CDH13: variants seen among roughly 807,000 people sequenced by gnomAD.
CDH13 encodes cadherin-13.
In CDH13, 24 loss-of-function variants were observed where a neutral mutation model predicts 63.8. That is an observed-to-expected ratio of 0.38 (90% CI 0.27 to 0.53). The LOEUF is 0.53. Among genes scored for constraint, CDH13 ranks in the 20% least tolerant of loss-of-function variants. The probability of loss-of-function intolerance (pLI) is 0.85; values close to 1 mark genes in which losing one functional copy is unlikely to be tolerated. For synonymous variants in CDH13, 503 were observed against 355.3 expected (o/e 1.42, Z -4.67); for missense variants, 1,049 against 903.1 (o/e 1.16, Z -2.07).
chr16:83,683,977 G>A (rs760733482), intron 10 of CDH13, among the ~76,000 whole-genome samples: 18 of 152,178 alleles, frequency 1.2e-4, no homozygotes, highest in African/African-American at 1.7e-4. Flanking sequence ...CACTTTCAGC[G>A]TAGCAACCGT....
At chr16:83,525,375 A>G (rs764960190) in intron 7 of CDH13, among the ~76,000 whole-genome samples, 19 of 152,262 alleles carry the variant, frequency 1.2e-4, no homozygotes, top group Non-Finnish European at 1.8e-4. Context: ...GAGAAGTTCT[A>G]TAACTTGCCT....
chr16:83,394,038 AT>A (rs1219814487), intron 6 of CDH13, among the ~76,000 whole-genome samples: 1 of 152,206 alleles, frequency 6.6e-6, no homozygotes, highest in Non-Finnish European at 1.5e-5. Flanking sequence ...TGGGAGCTAA[AT>A]GATGAGAACA....
At chr16:83,730,323 A>T in intron 10 of CDH13, among the ~76,000 whole-genome samples, 1 of 152,296 alleles carries the variant, frequency 6.6e-6, no homozygotes, top group Middle Eastern at 3.4e-3. Context: ...ACCTCATTTG[A>T]TGTTATTAAC....
intron 6 of CDH13, among the ~76,000 whole-genome samples, chr16:83,389,600 C>G (rs1352095581): frequency 6.6e-6 from 1 of 152,178 alleles, no homozygotes; most frequent in East Asian, 1.9e-4. Context: ...ACCATTTATT[C>G]TGCAGATAGT....
intron 5 of CDH13, among the ~76,000 whole-genome samples, chr16:83,270,194 G>T (rs954193319): frequency 1.3e-5 from 2 of 152,080 alleles, no homozygotes; most frequent in African/African-American, 4.8e-5. Flanking sequence ...CCCAAAAAGG[G>T]GGCAGCTTGT....
intron 1 of CDH13, among the ~76,000 whole-genome samples, chr16:82,762,845 G>T (rs2034905589): frequency 6.6e-6 from 1 of 152,192 alleles, no homozygotes; most frequent in African/African-American, 2.4e-5. Context: ...GATGCCAGGG[G>T]TGGTTTGGGT....
chr16:83,515,292 C>A (rs1055572928), intron 7 of CDH13, among the ~76,000 whole-genome samples: 4 of 152,188 alleles, frequency 2.6e-5, no homozygotes, highest in African/African-American at 9.7e-5. Flanking sequence ...TTGAAACCAC[C>A]ACTACAAAAT....
At chr16:83,429,000 G>A (rs4782791) in intron 6 of CDH13, among the ~76,000 whole-genome samples, 61,097 of 152,076 alleles carry the variant, frequency 0.4, 13,046 homozygotes, top group East Asian at 0.49. Flanking sequence ...TCTCTCATCC[G>A]TTTCCTAGGG....
intron 2 of CDH13, among the ~76,000 whole-genome samples, chr16:82,981,860 C>T (rs1431621400): frequency 1.3e-5 from 2 of 152,160 alleles, no homozygotes; most frequent in East Asian, 3.9e-4. Context: ...ACAGTGTATG[C>T]TTCTCAATCT....
intron 5 of CDH13, among the ~76,000 whole-genome samples, chr16:83,273,176 T>A (rs201626841): frequency 0.07 from 10,680 of 152,182 alleles, 414 homozygotes; most frequent in East Asian, 0.15. Flanking sequence ...ATATCAATTT[T>A]TTTTTCTTTT....
intron 6 of CDH13, among the ~76,000 whole-genome samples, chr16:83,477,698 T>A (rs1459515767): frequency 6.6e-6 from 1 of 152,148 alleles, no homozygotes; most frequent in Non-Finnish European, 1.5e-5. Context: ...GGAGTACTCA[T>A]CAACAACATC....
intron 8 of CDH13, among the ~76,000 whole-genome samples, chr16:83,620,797 A>T (rs1387867606): frequency 6.6e-6 from 1 of 152,162 alleles, no homozygotes; most frequent in Non-Finnish European, 1.5e-5. Flanking sequence ...TTTCCCTTGC[A>T]AACTCAAAGA....
chr16:83,082,048 C>T (rs2151564697), intron 3 of CDH13, among the ~76,000 whole-genome samples: 1 of 152,274 alleles, frequency 6.6e-6, no homozygotes, highest in African/African-American at 2.4e-5. Flanking sequence ...GATCTGCCCG[C>T]CTCGGCCTCC....
At chr16:82,708,447 C>T (rs1007055412) in intron 1 of CDH13, among the ~76,000 whole-genome samples, 4 of 152,170 alleles carry the variant, frequency 2.6e-5, no homozygotes, top group Non-Finnish European at 5.9e-5. Flanking sequence ...GCTTCTCTAG[C>T]TCTCACTCTC....
At chr16:83,273,326 CCCACCCCCAACCCT>C (rs1277060756) in intron 5 of CDH13, among the ~76,000 whole-genome samples, 1 of 151,938 alleles carries the variant, frequency 6.6e-6, no homozygotes, top group Non-Finnish European at 1.5e-5. Context: ...TCAATCCTCT[CCCACCCCCAACCCT>C]TCACCCTCAA....
intron 1 of CDH13, chr16:82,723,104 G>C (rs578068565): frequency 6.6e-6 from 1 of 152,396 alleles, no homozygotes; most frequent in East Asian, 1.9e-4. Flanking sequence ...CAAAAATGGA[G>C]AACAGGTGGA....
chr16:83,039,554 C>T lies in CDH13; in HGVS notation c.366+7336C>T, dbSNP rs114799290. Among the ~76,000 whole-genome samples the T allele has an allele frequency of 2.6e-3, 396 of 152,176 alleles. 2 individuals are homozygous for T. The highest frequency in any genetic ancestry group is 8.7e-3 in the African/African-American group (363 of 41,518). Reference sequence around the variant, plus strand: ...CTTTCTTGTTCAGGTGTTTAATGTCCGCCTTGGATGAATATAGGAACAGTC... The same window carrying T: ...CTTTCTTGTTCAGGTGTTTAATGTCTGCCTTGGATGAATATAGGAACAGTC... On this transcript the variant is annotated intron_variant, in intron 3 of 13. Coordinates refer to ENST00000567109, the MANE Select transcript of CDH13 (RefSeq NM_001257.5).
chr16:82,682,280 C>G (rs76861472), intron 1 of CDH13, among the ~76,000 whole-genome samples: 1,776 of 152,258 alleles, frequency 0.012, 37 homozygotes, highest in African/African-American at 0.04. Flanking sequence ...CATGCTGATT[C>G]CATCTGTCTA....
intron 5 of CDH13, among the ~76,000 whole-genome samples, chr16:83,306,228 A>G (rs1460604820): frequency 1.3e-5 from 2 of 152,208 alleles, no homozygotes; most frequent in Non-Finnish European, 2.9e-5. Context: ...AAGGGTAGGT[A>G]CCGTATCTGT....
Sources: gnomAD v4.1 joint callset for allele counts (sites outside exome capture counted in the v4.1 genomes callset) on GRCh38, gnomAD v4.1.1 for gene constraint, MANE v1.5 for transcripts, NCBI Gene and HGNC (gene_info 2026-07-23, HGNC 2026-07-21) for gene names.